Variants in NKAIN3 observed in about 807,000 individuals in gnomAD.
NKAIN3 encodes the protein sodium/potassium-transporting ATPase subunit beta-1-interacting protein 3.
Under a neutral mutation model 30.2 loss-of-function variants are expected in NKAIN3, and 25 were observed. The ratio of observed to expected loss-of-function variants is 0.83; its 90% CI spans 0.60 to 1.16. The LOEUF (loss-of-function observed/expected upper bound fraction) is 1.16, where lower values mean the gene tolerates loss of function less well. NKAIN3 is among the 50% of genes most tolerant of loss of function. NKAIN3 has a pLI of 0.00. For synonymous variants in NKAIN3, 91 were observed against 89.6 expected, an observed-to-expected ratio of 1.02 and a Z score of -0.09; for missense variants, 225 against 254.1, an observed-to-expected ratio of 0.89 and a Z score of 0.78.
At chr8:62,570,954 TG>T (rs1809916686) in intron 1 of NKAIN3, among the ~76,000 whole-genome samples, 1 of 152,194 alleles carries the variant, frequency 6.6e-6, no homozygotes, top group Admixed American at 6.5e-5. Context: ...TAAAGTGTAT[TG>T]TATGACTGCT....
chr8:62,786,723 A>C (rs759511220), intron 4 of NKAIN3, among the ~76,000 whole-genome samples: 2 of 152,164 alleles, frequency 1.3e-5, no homozygotes, highest in African/African-American at 4.8e-5. Context: ...TTGCTGAACT[A>C]AAAAAAGCAA....
intron 1 of NKAIN3, among the ~76,000 whole-genome samples, chr8:62,448,226 G>T (rs756323708): frequency 2.0e-5 from 3 of 151,754 alleles, no homozygotes; most frequent in Non-Finnish European, 4.4e-5. Context: ...GCAAATTAGT[G>T]TTTCCGCAGA....
intron 1 of NKAIN3, among the ~76,000 whole-genome samples, chr8:62,357,300 T>A (rs1386667816): frequency 6.6e-6 from 1 of 151,262 alleles, no homozygotes; most frequent in Non-Finnish European, 1.5e-5. Context: ...ATACATGTAA[T>A]CGTAGCTACT....
intron 1 of NKAIN3, among the ~76,000 whole-genome samples, chr8:62,464,097 G>C (rs1806079549): frequency 6.6e-6 from 1 of 152,164 alleles, no homozygotes; most frequent in African/African-American, 2.4e-5. Flanking sequence ...GCCTTCTTTA[G>C]TTCGACAAAT....
intron 1 of NKAIN3, among the ~76,000 whole-genome samples, chr8:62,326,935 T>C (rs1815161315): frequency 6.6e-6 from 1 of 152,066 alleles, no homozygotes; most frequent in Non-Finnish European, 1.5e-5. Context: ...GGAATAAAGA[T>C]GCTAATTTGT....
intron 3 of NKAIN3, among the ~76,000 whole-genome samples, chr8:62,628,354 G>A (rs752272499): frequency 1.4e-4 from 22 of 152,098 alleles, no homozygotes; most frequent in African/African-American, 4.3e-4. Context: ...AAGTTTTCCC[G>A]CTGGGTTTAT....
At chr8:62,893,665 T>TGTGCAC (rs1258107483) in intron 4 of NKAIN3, among the ~76,000 whole-genome samples, 30 of 151,246 alleles carry the variant, frequency 2.0e-4, no homozygotes, top group African/African-American at 7.0e-4. Context: ...TGTGTGTGCG[T>TGTGCAC]GCACACATAT....
At chr8:62,844,577 A>G (rs1819619467) in intron 4 of NKAIN3, among the ~76,000 whole-genome samples, 1 of 152,120 alleles carries the variant, frequency 6.6e-6, no homozygotes, top group Non-Finnish European at 1.5e-5. Flanking sequence ...CACAAGATAA[A>G]ATTGTAATTG....
chr8:62,532,380 A>C (rs969511592), intron 1 of NKAIN3, among the ~76,000 whole-genome samples: 3 of 146,848 alleles, frequency 2.0e-5, no homozygotes, highest in Non-Finnish European at 4.5e-5. Flanking sequence ...TTCATGATCC[A>C]ATACTACATA....
At chr8:62,635,808 A>G (rs72651577) in intron 3 of NKAIN3, among the ~76,000 whole-genome samples, 3,415 of 152,260 alleles carry the variant, frequency 0.022, 71 homozygotes, top group Non-Finnish European at 0.032. Context: ...AGACCATGGT[A>G]TTTTGTTATA....
chr8:62,606,820 T>A (rs1337704782), intron 3 of NKAIN3, among the ~76,000 whole-genome samples: 1 of 152,212 alleles, frequency 6.6e-6, no homozygotes, highest in Non-Finnish European at 1.5e-5. Flanking sequence ...GAAGATACTC[T>A]GTCCTGCTTC....
chr8:62,964,537 A>AGTGTGTGT (rs56313500), intron 6 of NKAIN3, among the ~76,000 whole-genome samples: 108 of 133,224 alleles, frequency 8.1e-4, no homozygotes, highest in South Asian at 3.3e-3. Flanking sequence ...AGAGAGAGAG[A>AGTGTGTGT]GTGTGTGTGT....
intron 1 of NKAIN3, among the ~76,000 whole-genome samples, chr8:62,288,484 A>G (rs1813455398): frequency 6.6e-6 from 1 of 152,138 alleles, no homozygotes; most frequent in Non-Finnish European, 1.5e-5. Context: ...GAGTGAGAAC[A>G]CGTGGTGTTT....
At chr8:62,858,055 G>C (rs55823475) in intron 4 of NKAIN3, among the ~76,000 whole-genome samples, 2 of 142,202 alleles carry the variant, frequency 1.4e-5, no homozygotes, top group African/African-American at 5.3e-5. Context: ...GTTGTTTTCT[G>C]TGTTTTTTTT....
intron 4 of NKAIN3, among the ~76,000 whole-genome samples, chr8:62,899,557 C>T (rs1821537221): frequency 1.3e-5 from 2 of 151,872 alleles, no homozygotes; most frequent in Admixed American, 1.3e-4. Context: ...TGGAGATAGA[C>T]AGTAGAAGGA....
chr8:62,884,551 CAGCACTAA>C, intron 4 of NKAIN3, among the ~76,000 whole-genome samples: 1 of 152,322 alleles, frequency 6.6e-6, no homozygotes, highest in East Asian at 1.9e-4. Context: ...GCCCCTGCGT[CAGCACTAA>C]AGAATTTATA....
Position 62,813,439 on chromosome 8 carries a change from G to A in NKAIN3, c.471+66310G>A, listed in dbSNP as rs561244698. 6.7e-5 allele frequency among the ~76,000 whole-genome samples: 10 copies of A among 149,568 alleles called. 1 individual carries two copies. The highest frequency in any genetic ancestry group is 1.3e-4 in the Admixed American group (2 of 15,000). On this transcript the variant is annotated intron_variant, in intron 4 of 6. Coordinates refer to ENST00000623646, the MANE Select transcript of NKAIN3 (RefSeq NM_001304533.3). The stretch of plus-strand genomic sequence containing the variant: ...TATCTGTAGACTGCTTTCACTTTAC[G>A]TCTGTGTGTTTCTTCATTGGTCAGT...
chr8:62,318,168 G>A (rs1358948881), intron 1 of NKAIN3, among the ~76,000 whole-genome samples: 4 of 152,174 alleles, frequency 2.6e-5, no homozygotes, highest in Non-Finnish European at 4.4e-5. Context: ...TCAGCTTAAG[G>A]AGATTTTGGG....
rs145052573 is a variant in NKAIN3, at chr8:62,332,931, T to C, written c.54+83804T>C. ...GTCCCAGCTACTTGGGAGAATGAGG[T>C]TGCGGCGACAGTGAGTTGTGTTTGT... is the stretch of plus-strand genomic sequence containing the variant. On this transcript the variant is annotated intron_variant, in intron 1 of 6. Transcript: ENST00000623646. Among the ~76,000 whole-genome samples, 374 of 152,186 alleles carry C rather than the reference T, an allele frequency of 2.5e-3. 1 individual carries two copies. The highest frequency in any genetic ancestry group is 8.5e-3 in the African/African-American group (355 of 41,550).
Sources: allele counts gnomAD v4.1 joint callset (sites outside exome capture counted in the v4.1 genomes callset), GRCh38; gene constraint gnomAD v4.1.1; transcripts MANE v1.5; gene names NCBI Gene and HGNC (gene_info 2026-07-23, HGNC 2026-07-21).